The following NRXN2 variants were observed in gnomAD, a reference collection of about 807,000 sequenced individuals.
NRXN2 encodes the protein neurexin 2, also known as neurexin-2-beta.
A neutral mutation model predicts 128.8 loss-of-function variants in NRXN2; 29 were observed. The ratio of observed to expected loss-of-function variants is 0.23; its 90% CI spans 0.17 to 0.31. NRXN2 has a LOEUF of 0.31. NRXN2 is among the 10% of genes least tolerant of loss of function. The pLI is 1.00. For missense variants in NRXN2, 1,881 were observed against 2,452.6 expected, an observed-to-expected ratio of 0.77 and a Z score of 4.92; for synonymous variants, 1,098 against 1,075.2, an observed-to-expected ratio of 1.02 and a Z score of -0.41.
chr11:64,629,898 T>C (rs1478064462), intron 19 of NRXN2, among the ~76,000 whole-genome samples: 1 of 152,152 alleles, frequency 6.6e-6, no homozygotes, highest in Non-Finnish European at 1.5e-5. Flanking sequence ...TCTCCTAATA[T>C]GGATCTCTGA....
intron 4 of NRXN2, among the ~76,000 whole-genome samples, chr11:64,691,052 G>T (rs1423544122): frequency 6.6e-6 from 1 of 152,120 alleles, no homozygotes; most frequent in Admixed American, 6.5e-5. Flanking sequence ...ACACCTTGAG[G>T]CCATCCACAC....
At chr11:64,696,520 T>A (rs1194588813) in intron 3 of NRXN2, among the ~76,000 whole-genome samples, 1 of 95,220 alleles carries the variant, frequency 1.1e-5, no homozygotes, top group Non-Finnish European at 2.2e-5. Context: ...TACCCACACA[T>A]ACATACATAC....
intron 22 of NRXN2, among the ~76,000 whole-genome samples, chr11:64,611,292 C>T (rs560293429): frequency 1.4e-3 from 208 of 152,292 alleles, no homozygotes; most frequent in African/African-American, 4.9e-3. Context: ...AGGCAGCAGG[C>T]ACTATGGAGA....
rs1006272525 is a variant in NRXN2 at position 64,688,237 on chromosome 11, G to A, written c.850+2168C>T. On this transcript the variant is annotated intron_variant, in intron 5 of 22. Coordinates refer to ENST00000265459, the MANE Select transcript of NRXN2 (RefSeq NM_015080.4). ...CCCTGCCTCCAGTCTCCTGGGGTGG[G>A]TGGCAAAGCTAGCTACTCTGGAGCC... 1.6e-5 allele frequency: 15 copies of A among 959,604 alleles called. No homozygotes were observed. In the African/African-American group the frequency reaches 2.3e-4, roughly 15 times the overall value. 59.4% of individuals were successfully genotyped at this position (959,604 alleles called of 1,614,324 possible).
At position 64,690,453 on chromosome 11, in the gene NRXN2, C is replaced by G. The variant is rs201218382; in HGVS notation, c.802G>C (p.Gly268Arg). The change falls in exon 5 of 23, where the codon GGG becomes CGG. Residue 268 changes from glycine (G) to arginine (R), a missense_variant. Physicochemically the swap from Gly to Arg is moderately radical, Grantham distance 125. Transcript: ENST00000265459. ...SEVGSLLFSE[G>R]GAGRGGAGDV... ...CCGGCTCCTCCTCTCCCGGCCCCCC[C>G]CTCGGAGAACAGTAAGGACCCTACT... The G allele has an allele frequency of 5.0e-6, 8 of 1,613,688 alleles. No homozygotes were observed. The highest frequency in any genetic ancestry group is 2.2e-5 in the East Asian group (1 of 44,878).
chr11:64,660,414 C>T lies in NRXN2; in HGVS notation c.2307G>A (p.Met769Ile), dbSNP rs762060093. The T allele has an allele frequency of 1.2e-6, 2 of 1,614,076 alleles. No homozygotes were observed. Among genetic ancestry groups the T allele is most frequent in the African/African-American group, 2.7e-5 (2 of 74,920 alleles). The change falls in exon 11 of 23, where the codon ATG becomes ATA. Residue 769 changes from methionine to isoleucine, a missense_variant. Met to Ile is a conservative substitution (Grantham distance 10). Coordinates refer to ENST00000265459, the MANE Select transcript of NRXN2 (RefSeq NM_015080.4). The surrounding 1 kb of genome is among the most constrained non-coding windows in gnomAD (Gnocchi z 5.2). ...CAGACTCCCTGGAAGTGGTGGCCAT[C>T]ATGAGTCCGTAGGCCCGCTGGGACA... The part of the protein sequence containing the change: ...RFMSQRAYGL[M>I]MATTSRESAD...
intron 9 of NRXN2, among the ~76,000 whole-genome samples, chr11:64,663,968 C>T (rs2049410232): frequency 6.6e-6 from 1 of 152,174 alleles, no homozygotes; most frequent in South Asian, 2.1e-4. Context: ...TATGATTCCA[C>T]TTAACGGAGG....
intron 6 of NRXN2, among the ~76,000 whole-genome samples, chr11:64,683,414 G>A (rs1201487792): frequency 6.6e-6 from 1 of 152,130 alleles, no homozygotes; most frequent in Non-Finnish European, 1.5e-5. Flanking sequence ...GAGGTCAGGA[G>A]TTCAAGACCA....
intron 3 of NRXN2, among the ~76,000 whole-genome samples, chr11:64,693,891 C>G (rs1029329753): frequency 6.6e-6 from 1 of 152,152 alleles, no homozygotes; most frequent in African/African-American, 2.4e-5. Flanking sequence ...CAGGACCTCT[C>G]TCAAATGACC....
At position 64,653,580 on chromosome 11, in the gene NRXN2, C is replaced by T. The variant is rs534073; in HGVS notation, c.2416+116G>A. 0.015 allele frequency: 15,414 copies of T among 1,048,584 alleles called. 1,499 individuals carry two copies. In the African/African-American group the frequency reaches 0.21, roughly 14 times the overall value. The allele number at this position is 1,048,584 out of a possible 1,614,324, so 65.0% of individuals were successfully genotyped here. ...ACCCCTCCCCACACTCAAGGCCCAA[C>T]CCCCATTCGAGCCAGCAATCACGGC... On this transcript the variant is annotated intron_variant, in intron 12 of 22. Transcript: ENST00000265459.
chr11:64,662,984 A>G (rs1591923725), intron 9 of NRXN2, among the ~76,000 whole-genome samples: 2 of 152,130 alleles, frequency 1.3e-5, no homozygotes, highest in East Asian at 1.9e-4. Context: ...AGGAGAATCA[A>G]TGTGAGCACA....
At chr11:64,722,090 G>A (rs2057448362) in intron 1 of NRXN2, among the ~76,000 whole-genome samples, 1 of 152,088 alleles carries the variant, frequency 6.6e-6, no homozygotes, top group Non-Finnish European at 1.5e-5. Context: ...AGACCCCAGG[G>A]AAGATTGCTG....
At chr11:64,687,817 G>C (rs1487026965) in intron 5 of NRXN2, among the ~76,000 whole-genome samples, 2 of 152,176 alleles carry the variant, frequency 1.3e-5, no homozygotes, top group East Asian at 1.9e-4. Flanking sequence ...CAGGAGATGG[G>C]AAGAGAGCCA....
intron 5 of NRXN2, among the ~76,000 whole-genome samples, chr11:64,689,290 G>A (rs2135577743): frequency 6.6e-6 from 1 of 150,860 alleles, no homozygotes; most frequent in South Asian, 2.1e-4. Context: ...GGCTGGTTTT[G>A]AACTCCTGGC....
chr11:64,623,889 C>G lies in NRXN2; in HGVS notation c.3848-811G>C, dbSNP rs1189204566. ...TCTCACCCCACACTCCAGTATGACA[C>G]CTCAGAATTCCCAGCTGGGTGGGGT... On this transcript the variant is annotated intron_variant, in intron 20 of 22. Transcript: ENST00000265459. The surrounding 1 kb of genome is among the most constrained non-coding windows in gnomAD (Gnocchi z 4.9). 1 of 152,274 alleles carries G rather than the reference C, an allele frequency of 6.6e-6. No individual in the cohort carries two copies. The highest frequency in any genetic ancestry group is 1.5e-5 in the Non-Finnish European group (1 of 68,084). The allele number at this position is 152,274 out of a possible 1,614,324, so 9.4% of individuals were successfully genotyped here. A position where few individuals can be genotyped will look rare whatever the true frequency, so the allele number is the denominator to read the frequency against.
chr11:64,660,357 C>G lies in NRXN2; in HGVS notation c.2364G>C (p.Gly788=), dbSNP rs1204521129. ...CGAGGTTGACAGTGAGCTTCATCTG[C>G]CCCCCATCCAGCTCCAGGCGTAGGG... The part of the protein sequence containing the change: ...ADTLRLELDG[G]QMKLTVNLDC... The change falls in exon 11 of 23, where the codon GGG becomes GGC. Residue 788 remains glycine (G), a synonymous_variant. Coordinates refer to ENST00000265459, the MANE Select transcript of NRXN2 (RefSeq NM_015080.4). The surrounding 1 kb of genome is among the most constrained non-coding windows in gnomAD (Gnocchi z 5.2). The G allele has an allele frequency of 6.2e-7, 1 of 1,613,894 alleles. No individual in the cohort carries two copies. The highest frequency in any genetic ancestry group is 1.1e-5 in the South Asian group (1 of 91,078).
intron 17 of NRXN2, chr11:64,643,356 CG>C: frequency 3.7e-4 from 5 of 13,530 alleles, no homozygotes; most frequent in Non-Finnish European, 4.7e-4. Flanking sequence ...AGGGAGCGGC[CG>C]GGGGAGGGGG....
At chr11:64,668,364 CA>C (rs1327514144) in intron 8 of NRXN2, 78 bp downstream of exon 8, 1 of 1,570,068 alleles carries the variant, frequency 6.4e-7, no homozygotes, top group African/African-American at 1.4e-5. Flanking sequence ...GACAACTAGC[CA>C]GGTCAGACTA....
chr11:64,649,007 T>C, intron 15 of NRXN2, 100 bp from the exon 16 acceptor site: 1 of 1,256,634 alleles, frequency 8.0e-7, no homozygotes, highest in African/African-American at 1.5e-5. Context: ...TCAGGTTCTC[T>C]GCGTTCCATC....
Sources: allele counts gnomAD v4.1 joint callset (sites outside exome capture counted in the v4.1 genomes callset), GRCh38; gene constraint gnomAD v4.1.1; non-coding constraint Gnocchi (gnomAD v3.1); transcripts MANE v1.5; gene names NCBI Gene and HGNC (gene_info 2026-07-23, HGNC 2026-07-21).